Variants in CHD7 observed in about 807,000 individuals in gnomAD.
The protein encoded by CHD7 is ATP-dependent chromatin remodeler CHD7.
CHD7 carries 24 observed loss-of-function variants against 307.3 expected under a neutral mutation model. That is an observed-to-expected ratio of 0.08 (90% CI 0.06 to 0.11). The LOEUF is 0.11. Ranked by LOEUF, CHD7 falls within the 10% of genes least tolerant of loss-of-function variation. CHD7 has a pLI of 1.00. For missense variants in CHD7, 3,106 were observed against 3,727.1 expected, an observed-to-expected ratio of 0.83 and a Z score of 4.34; for synonymous variants, 1,363 against 1,349.9, an observed-to-expected ratio of 1.01 and a Z score of -0.21.
At chr8:60,784,054 A>G (rs988129187) in intron 3 of CHD7, among the ~76,000 whole-genome samples, 5 of 152,244 alleles carry the variant, frequency 3.3e-5, no homozygotes, top group African/African-American at 1.2e-4. Flanking sequence ...TACTAAGTGT[A>G]GAAAGGAAAC....
intron 1 of CHD7, among the ~76,000 whole-genome samples, chr8:60,710,408 G>A (rs1223372688): frequency 1.3e-5 from 2 of 152,052 alleles, no homozygotes; most frequent in East Asian, 3.8e-4. Flanking sequence ...ACCCCATTTA[G>A]CTTTGTCTCT....
intron 17 of CHD7, among the ~76,000 whole-genome samples, 167 bp from the exon 18 acceptor site, chr8:60,837,501 G>A (rs1804791776): frequency 6.6e-6 from 1 of 152,086 alleles, no homozygotes. Flanking sequence ...CTTTATATGA[G>A]CAGTAATCCT....
chr8:60,741,271 G>T lies in CHD7; in HGVS notation c.-162G>T. 1.6e-6 allele frequency: 1 copy of T among 626,328 alleles called. No homozygotes were observed. 38.8% of individuals were successfully genotyped at this position (626,328 alleles called of 1,614,324 possible). A position where few individuals can be genotyped will look rare whatever the true frequency, so the allele number is the denominator to read the frequency against. On this transcript the variant is annotated 5_prime_UTR_variant, in exon 2 of 38. Coordinates refer to ENST00000423902, the MANE Select transcript of CHD7 (RefSeq NM_017780.4). ...AACTCCCTTCCAGGACCTATATCCA[G>T]ACTTTGCCTGACACTGCAGGGTCCA... is the stretch of plus-strand genomic sequence containing the variant.
intron 2 of CHD7, among the ~76,000 whole-genome samples, chr8:60,768,065 T>C (rs946577503): frequency 1.3e-5 from 2 of 152,248 alleles, no homozygotes; most frequent in Non-Finnish European, 2.9e-5. Context: ...TTTATTTTAT[T>C]CTGGCATTTC....
chr8:60,856,147 G>A lies in CHD7; in HGVS notation c.7109G>A (p.Gly2370Asp). 1 of 1,606,640 alleles carries A rather than the reference G, an allele frequency of 6.2e-7. No individual in the cohort carries two copies. Among genetic ancestry groups the A allele is most frequent in the African/African-American group, 1.3e-5 (1 of 74,862 alleles). ...AGCTTTGCTGAGCTCTCCATGGTCGGCCAAGCCAGCATTAGTGGGAGTGAG... is the reference window on the plus strand; with the variant it reads ...AGCTTTGCTGAGCTCTCCATGGTCGACCAAGCCAGCATTAGTGGGAGTGAG... ...KRSFAELSMVGQASISGSEDI... is the reference protein window; with the variant it reads ...KRSFAELSMVDQASISGSEDI... The change falls in exon 33 of 38, where the codon GGC becomes GAC. Residue 2370 changes from glycine (G) to aspartate (D), a missense_variant. Physicochemically the swap from Gly to Asp is moderately conservative, Grantham distance 94. Around this residue, in one of 10 missense-constraint regions of CHD7, gnomAD observed 1,030 missense variants for 1,165.4 expected, o/e 0.88. Coordinates refer to ENST00000423902, the MANE Select transcript of CHD7 (RefSeq NM_017780.4).
chr8:60,853,204 C>G lies in CHD7; in HGVS notation c.6479C>G (p.Ala2160Gly). Reference sequence around the variant, plus strand: ...CAGACTCCTCCAGTCATCTCATCTGCTCATATTCAAGATGAGAGGGTACTG... The same window carrying G: ...CAGACTCCTCCAGTCATCTCATCTGGTCATATTCAAGATGAGAGGGTACTG... ...FVQTPPVISS[A>G]HIQDERVLEQ... The change falls in exon 31 of 38, where the codon GCT becomes GGT. Residue 2160 changes from alanine to glycine, a missense_variant. This residue lies in a region of CHD7 where 1,030 missense variants were observed against 1,165.4 expected (regional missense o/e 0.88). Coordinates refer to ENST00000423902, the MANE Select transcript of CHD7 (RefSeq NM_017780.4). 1 of 1,613,878 alleles carries G rather than the reference C, an allele frequency of 6.2e-7. No homozygotes were observed. The highest frequency in any genetic ancestry group is 1.1e-5 in the South Asian group (1 of 91,058).
chr8:60,800,540 T>C lies in CHD7; in HGVS notation c.2376+15T>C. ...CAGAACAGCAGGTTAGTACCAGATC[T>C]GTGGGATTTATGGATGCATTTTAAA... is the stretch of plus-strand genomic sequence containing the variant. On this transcript the variant is annotated intron_variant, in intron 5 of 37. Coordinates refer to ENST00000423902, the MANE Select transcript of CHD7 (RefSeq NM_017780.4). 1 of 1,590,050 alleles carries C rather than the reference T, an allele frequency of 6.3e-7. No individual in the cohort carries two copies.
intron 1 of CHD7, among the ~76,000 whole-genome samples, chr8:60,733,778 CTT>C (rs1225246780): frequency 7.2e-6 from 1 of 138,718 alleles, no homozygotes; most frequent in African/African-American, 2.8e-5. Context: ...AAAAGAACAG[CTT>C]TTTTTTTTTA....
chr8:60,682,120 T>C (rs1805660806), intron 1 of CHD7, among the ~76,000 whole-genome samples: 1 of 152,168 alleles, frequency 6.6e-6, no homozygotes, highest in Non-Finnish European at 1.5e-5. Flanking sequence ...AAGTTGAAAA[T>C]ATGGAAGTCA....
chr8:60,681,174 A>T (rs1030354426), intron 1 of CHD7, among the ~76,000 whole-genome samples: 5 of 152,238 alleles, frequency 3.3e-5, no homozygotes, highest in Non-Finnish European at 5.9e-5. Flanking sequence ...TGACCTTAGC[A>T]GCATGGCTAC....
chr8:60,794,930 G>A, intron 3 of CHD7, 56 bp from the exon 4 acceptor site: 1 of 1,486,812 alleles, frequency 6.7e-7, no homozygotes, highest in Non-Finnish European at 9.1e-7. Context: ...GGAAATATAA[G>A]AGACATGCAG....
chr8:60,763,364 C>T (rs1282168333), intron 2 of CHD7, among the ~76,000 whole-genome samples: 1 of 152,110 alleles, frequency 6.6e-6, no homozygotes, highest in African/African-American at 2.4e-5. Context: ...TCCAGGTACT[C>T]AGTAGCCACA....
At chr8:60,854,812 C>T (rs1298392359) in intron 32 of CHD7, among the ~76,000 whole-genome samples, 2 of 152,054 alleles carry the variant, frequency 1.3e-5, no homozygotes, top group African/African-American at 2.4e-5. Flanking sequence ...GGTTACTTAC[C>T]CCCGTTGTCT....
chr8:60,782,159 T>C (rs1368593307), intron 3 of CHD7, among the ~76,000 whole-genome samples: 1 of 152,230 alleles, frequency 6.6e-6, no homozygotes. Context: ...GTTCCAGACA[T>C]CTGAATCTGT....
intron 1 of CHD7, among the ~76,000 whole-genome samples, chr8:60,690,615 T>A (rs569080004): frequency 6.6e-6 from 1 of 152,232 alleles, no homozygotes; most frequent in Admixed American, 6.5e-5. Flanking sequence ...AACTGTCTTA[T>A]ATGCTGTCAA....
At position 60,855,956 on chromosome 8, in the gene CHD7, A is replaced by T; in HGVS notation, c.6937-19A>T. On this transcript the variant is annotated intron_variant, in intron 32 of 37. Transcript: ENST00000423902. ...CAGGGCTTTGTTAAAATTTCTTGTG[A>T]CTTTTCTTCTCCCTCCAGGATAGAG... The T allele has an allele frequency of 6.5e-7, 1 of 1,537,038 alleles. No individual in the cohort carries two copies. The highest frequency in any genetic ancestry group is 8.9e-7 in the Non-Finnish European group (1 of 1,123,388).
In CHD7 at chr8:60,755,973, G is replaced by A. The variant is rs532660931; in HGVS notation, c.1665+12876G>A. Among the ~76,000 whole-genome samples, 10 of 152,298 alleles carry A rather than the reference G, an allele frequency of 6.6e-5. No homozygotes were observed. The South Asian group carries it at 1.5e-3, about 22-fold the overall frequency. On this transcript the variant is annotated intron_variant, in intron 2 of 37. Transcript: ENST00000423902. ...GTCATGATGAAAATGTTCTATATTT[G>A]CTCAGTCCAATATGGTAGCCACTAG...
chr8:60,760,673 A>G (rs1233625345), intron 2 of CHD7, among the ~76,000 whole-genome samples: 1 of 151,648 alleles, frequency 6.6e-6, no homozygotes, highest in African/African-American at 2.4e-5. Context: ...CCCATCAAAA[A>G]GTGGACAAAG....
chr8:60,734,747 G>T (rs1808619435), intron 1 of CHD7, among the ~76,000 whole-genome samples: 1 of 152,136 alleles, frequency 6.6e-6, no homozygotes, highest in Admixed American at 6.6e-5. Context: ...GGAGTTAAGG[G>T]AGTTGAGAAT....
Sources: allele counts gnomAD v4.1 joint callset (sites outside exome capture counted in the v4.1 genomes callset), GRCh38; gene constraint gnomAD v4.1.1; regional missense constraint gnomAD v4.1.1; transcripts MANE v1.5; gene names NCBI Gene and HGNC (gene_info 2026-07-23, HGNC 2026-07-21).